PTK6: variants seen among roughly 807,000 people sequenced by gnomAD.
The protein encoded by PTK6 is protein tyrosine kinase 6.
PTK6 carries 47 observed loss-of-function variants against 47.5 expected under a neutral mutation model. The observed-to-expected ratio is 0.99, with a 90% CI of 0.78 to 1.26. The LOEUF (loss-of-function observed/expected upper bound fraction) is 1.26. Ranked by LOEUF, PTK6 falls within the 50% of genes most tolerant of loss-of-function variation. PTK6 has a pLI of 0.00. For missense variants in PTK6, 618 were observed against 625.3 expected (o/e 0.99, Z 0.12); for synonymous variants, 287 against 276.5 (o/e 1.04, Z -0.38).
intron 5 of PTK6, among the ~76,000 whole-genome samples, chr20:63,531,866 C>G (rs550687417): frequency 1.3e-5 from 2 of 152,332 alleles, no homozygotes; most frequent in African/African-American, 2.4e-5. Flanking sequence ...CTGAGATGAT[C>G]AAGCCCTTTG....
In PTK6 at chr20:63,530,884, G is replaced by A. The variant is rs754701412; in HGVS notation, c.876C>T (p.Ile292=). 17 of 1,613,576 alleles carry A rather than the reference G, an allele frequency of 1.1e-5. No individual in the cohort carries two copies. The highest frequency in any genetic ancestry group is 1.0e-4 in the Admixed American group (6 of 59,904). Residue 292 remains isoleucine (I), a synonymous_variant, in exon 6 of 8, where the codon ATC becomes ATT. Transcript: ENST00000542869. The surrounding 1 kb of genome is among the most constrained non-coding windows in gnomAD (Gnocchi z 4.1). ...KVLPVSELLD[I]AWQVAEGMCY... ...ACATGCCCTCAGCCACCTGCCAGGC[G>A]ATGTCCAGCAGCTCCGAAACGGGCA... is the stretch of plus-strand genomic sequence containing the variant.
At chr20:63,534,691 C>T (rs898862557) in intron 2 of PTK6, among the ~76,000 whole-genome samples, 6 of 152,144 alleles carry the variant, frequency 3.9e-5, no homozygotes, top group African/African-American at 7.2e-5. Context: ...ACGAGTGCCT[C>T]GGGCAGGGCT....
intron 5 of PTK6, 138 bp downstream of exon 5, chr20:63,532,388 T>C: frequency 9.7e-7 from 1 of 1,028,560 alleles, no homozygotes; most frequent in Non-Finnish European, 1.3e-6. Flanking sequence ...TCTGTGTCTG[T>C]GTCTGTGTGT....
In PTK6 at chr20:63,533,042, A is replaced by G. The variant is rs544834631; in HGVS notation, c.671-355T>C. 6.6e-6 allele frequency among the ~76,000 whole-genome samples: 1 copy of G among 151,860 alleles called. No individual in the cohort carries two copies. The highest frequency in any genetic ancestry group is 1.5e-5 in the Non-Finnish European group (1 of 67,956). ...TATTTTAATGGCTTTCCATTACGTC[A>G]AGGATTTTAAATTTTCTTTCTTTCT... On this transcript the variant is annotated intron_variant, in intron 4 of 7. Coordinates refer to ENST00000542869, the MANE Select transcript of PTK6 (RefSeq NM_005975.4). The surrounding 1 kb of genome is among the most constrained non-coding windows in gnomAD (Gnocchi z 4.0).
chr20:63,532,934 C>T (rs574018330), intron 4 of PTK6, among the ~76,000 whole-genome samples: 10 of 152,384 alleles, frequency 6.6e-5, no homozygotes, highest in South Asian at 2.1e-4. Flanking sequence ...TTCCTGTGCC[C>T]GGCCCAGACC....
In PTK6 at chr20:63,534,946, A is replaced by T. The variant is rs1272442692; in HGVS notation, c.344T>A (p.Val115Asp). The T allele has an allele frequency of 6.2e-7, 1 of 1,602,922 alleles. No homozygotes were observed. The highest frequency in any genetic ancestry group is 2.2e-5 in the East Asian group (1 of 44,566). The stretch of plus-strand genomic sequence containing the variant: ...GGAGGCCGGGGCCGCACCCGACAGG[A>T]CGTAGTCGGCACTCGGCTTCTCGCT... ...RVSEKPSADY[V>D]LSVRDTQAVR... is the part of the protein sequence containing the mutation. The change falls in exon 2 of 8, where the codon GTC becomes GAC. Residue 115 changes from valine to aspartate, a missense_variant. Coordinates refer to ENST00000542869, the MANE Select transcript of PTK6 (RefSeq NM_005975.4).
Position 63,529,774 on chromosome 20 carries a change from C to G in PTK6, c.1169-51G>C. ...CTGGGGCCCACCTGCCTACCCTCCC[C>G]CAAGAAGCCACACCAGCCATCCACT... On this transcript the variant is annotated intron_variant, in intron 7 of 7. Coordinates refer to ENST00000542869, the MANE Select transcript of PTK6 (RefSeq NM_005975.4). The surrounding 1 kb of genome is among the most constrained non-coding windows in gnomAD (Gnocchi z 5.6). The G allele has an allele frequency of 6.8e-7, 1 of 1,480,184 alleles. No homozygotes were observed. The highest frequency in any genetic ancestry group is 2.6e-5 in the Admixed American group (1 of 38,936). The allele number at this position is 1,480,184 out of a possible 1,614,324, so 91.7% of individuals were successfully genotyped here.
Position 63,533,570 on chromosome 20 carries a change from G to A in PTK6, c.651C>T (p.Ala217=). ...EGLWKDRVQV[A]IKVISRDNLL... is the part of the protein sequence containing the mutation. ...ACTCACCTCGAGAAATCACCTTAAT[G>A]GCCACCTGGACCCGGTCTTTCCAGA... The change falls in exon 4 of 8, where the codon GCC becomes GCT. Residue 217 remains alanine, a synonymous_variant. Coordinates refer to ENST00000542869, the MANE Select transcript of PTK6 (RefSeq NM_005975.4). The surrounding 1 kb of genome is among the most constrained non-coding windows in gnomAD (Gnocchi z 4.0). The A allele has an allele frequency of 1.2e-6, 2 of 1,611,932 alleles. No individual in the cohort carries two copies. The highest frequency in any genetic ancestry group is 1.7e-6 in the Non-Finnish European group (2 of 1,178,986).
Position 63,533,821 on chromosome 20 carries a change from T to C in PTK6, c.517-117A>G. 1 of 1,401,148 alleles carries C rather than the reference T, an allele frequency of 7.1e-7. No individual in the cohort carries two copies. Among genetic ancestry groups the C allele is most frequent in the South Asian group, 1.4e-5 (1 of 71,710 alleles). 86.8% of individuals were successfully genotyped at this position (1,401,148 alleles called of 1,614,324 possible). A position where few individuals can be genotyped will look rare whatever the true frequency, so the allele number is the denominator to read the frequency against. The stretch of plus-strand genomic sequence containing the variant: ...ATTTAGGGCCACGATCAGCCTGGGT[T>C]GGGGGTTTCTGAGTGTCTGACACAA... On this transcript the variant is annotated intron_variant, in intron 3 of 7. Coordinates refer to ENST00000542869, the MANE Select transcript of PTK6 (RefSeq NM_005975.4). This position sits in a 1 kb window ranked among gnomAD's most constrained non-coding sequence, Gnocchi z 4.0.
Position 63,532,643 on chromosome 20 carries a change from T to C in PTK6, c.715A>G (p.Met239Val). The change falls in exon 5 of 8, where the codon ATG (methionine) becomes GTG (valine). Residue 239 changes from methionine to valine, a missense_variant. By Grantham distance (21) the Met-to-Val change is conservative (BLOSUM62 1). Transcript: ENST00000542869. ...QQMLQSEIQA[M>V]KKLRHKHILA... ...ATGTGTTTGTGCCGCAGCTTCTTCATGGCCTGGATCTCCGACTGCAGCATC... is the reference window on the plus strand; with the variant it reads ...ATGTGTTTGTGCCGCAGCTTCTTCACGGCCTGGATCTCCGACTGCAGCATC... 5 of 1,614,136 alleles carry C rather than the reference T, an allele frequency of 3.1e-6. No homozygotes were observed. Among genetic ancestry groups the C allele is most frequent in the Non-Finnish European group, 4.2e-6 (5 of 1,180,008 alleles).
chr20:63,532,708 G>C, intron 4 of PTK6, 21 bp from the exon 5 acceptor site: 1 of 1,610,058 alleles, frequency 6.2e-7, no homozygotes, highest in Non-Finnish European at 8.5e-7. Context: ...GGGTGGCCTC[G>C]GTGGATGCAG....
rs1406061232 is a variant in PTK6, at chr20:63,533,654, C to G, written c.567G>C (p.Glu189Asp). 1 of 1,613,792 alleles carries G rather than the reference C, an allele frequency of 6.2e-7. No homozygotes were observed. ...PHWDDWERPR[E>D]EFTLCRKLGS... ...CCAGCTTCCTGCAGAGCGTGAACTCCTCCCTCGGCCTCTCCCAGTCATCCC... is the reference window on the plus strand; with the variant it reads ...CCAGCTTCCTGCAGAGCGTGAACTCGTCCCTCGGCCTCTCCCAGTCATCCC... The change falls in exon 4 of 8, where the codon GAG (glutamate) becomes GAC (aspartate). Residue 189 changes from glutamate (E) to aspartate (D), a missense_variant. Physicochemically the swap from Glu to Asp is conservative, Grantham distance 45 (BLOSUM62 2). Coordinates refer to ENST00000542869, the MANE Select transcript of PTK6 (RefSeq NM_005975.4). This position sits in a 1 kb window ranked among gnomAD's most constrained non-coding sequence, Gnocchi z 4.0.
At chr20:63,534,097 A>AG (rs1376654165) in intron 3 of PTK6, 55 bp downstream of exon 3, 1 of 1,480,690 alleles carries the variant, frequency 6.8e-7, no homozygotes, top group African/African-American at 1.4e-5. Flanking sequence ...AGGAAATGCC[A>AG]GCCTGTGACC....
intron 5 of PTK6, among the ~76,000 whole-genome samples, chr20:63,532,108 T>C (rs2082626002): frequency 6.6e-6 from 1 of 152,186 alleles, no homozygotes; most frequent in South Asian, 2.1e-4. Flanking sequence ...GATGAAGTCT[T>C]TGAGCCAATG....
rs201907843 is a variant in PTK6, at chr20:63,537,224, C to T, written c.91G>A (p.Ala31Thr). The T allele has an allele frequency of 6.3e-5, 101 of 1,612,416 alleles. No homozygotes were observed. In the South Asian group the frequency reaches 7.4e-4, roughly 12 times the overall value. Residue 31 changes from alanine (A) to threonine (T), a missense_variant, in exon 1 of 8, where the codon GCG becomes ACG. Transcript: ENST00000542869. ...SRTDEELSFR[A>T]GDVFHVARKE... ...CTGGCCACGTGGAAGACGTCCCCCG[C>T]GCGGAAGCTCAGCTCCTCGTCCGTC...
At chr20:63,535,548 G>C (rs1466982855) in intron 1 of PTK6, among the ~76,000 whole-genome samples, 1 of 151,998 alleles carries the variant, frequency 6.6e-6, no homozygotes, top group Non-Finnish European at 1.5e-5. Flanking sequence ...CCCGGCTGCG[G>C]GGTGTGGGCC....
Position 63,530,114 on chromosome 20 carries a change from G to T in PTK6, c.1132C>A (p.His378Asn). The change falls in exon 7 of 8, where the codon CAT (histidine) becomes AAT (asparagine). Residue 378 changes from histidine (H) to asparagine (N), a missense_variant. By Grantham distance (68) the His-to-Asn change is moderately conservative. Transcript: ENST00000542869. The surrounding 1 kb of genome is among the most constrained non-coding windows in gnomAD (Gnocchi z 4.1). ...SDVWSFGILL[H>N]EMFSRGQVPY... ...ACCTGACCCCTGCTGAACATCTCATGCAGGAGAATCCCAAAGGACCAGACG... is the reference window on the plus strand; with the variant it reads ...ACCTGACCCCTGCTGAACATCTCATTCAGGAGAATCCCAAAGGACCAGACG... 2 of 1,614,100 alleles carry T rather than the reference G, an allele frequency of 1.2e-6. No individual in the cohort carries two copies. The highest frequency in any genetic ancestry group is 1.7e-6 in the Non-Finnish European group (2 of 1,180,024).
chr20:63,529,838 T>C lies in PTK6; in HGVS notation c.1169-115A>G. ...GCCTTCCCCGCAGCCTCAGCTGCCA[T>C]GCCTTGGCGCCACCCAGCACACTGT... On this transcript the variant is annotated intron_variant, in intron 7 of 7. Transcript: ENST00000542869. The surrounding 1 kb of genome is among the most constrained non-coding windows in gnomAD (Gnocchi z 5.6). The C allele has an allele frequency of 8.0e-7, 1 of 1,242,532 alleles. No homozygotes were observed. The highest frequency in any genetic ancestry group is 1.1e-6 in the Non-Finnish European group (1 of 909,456). The allele number at this position is 1,242,532 out of a possible 1,614,324, so 77.0% of individuals were successfully genotyped here.
At chr20:63,532,160 T>G in intron 5 of PTK6, among the ~76,000 whole-genome samples, 1 of 143,884 alleles carries the variant, frequency 7.0e-6, no homozygotes, top group African/African-American at 3.0e-5. Flanking sequence ...TCAGTGTGTG[T>G]CTGTGTGTGT....
Sources: gnomAD v4.1 joint callset for allele counts (sites outside exome capture counted in the v4.1 genomes callset) on GRCh38, gnomAD v4.1.1 for gene constraint, Gnocchi (gnomAD v3.1) non-coding constraint, MANE v1.5 for transcripts, NCBI Gene and HGNC (gene_info 2026-07-23, HGNC 2026-07-21) for gene names.